The following CSMD1 variants were observed in gnomAD, a reference collection of about 807,000 sequenced individuals.
CSMD1 encodes the protein CUB and sushi domain-containing protein 1.
Under a neutral mutation model 417.5 loss-of-function variants are expected in CSMD1, and 213 were observed. The observed-to-expected ratio is 0.51, with a 90% CI of 0.46 to 0.57. The LOEUF is 0.57. Ranked by LOEUF, CSMD1 falls within the 20% of genes least tolerant of loss-of-function variation. The pLI is 0.00. For missense variants in CSMD1, 6,923 were observed against 4,529.7 expected, an observed-to-expected ratio of 1.53 and a Z score of -15.17; for synonymous variants, 2,862 against 1,736.8, an observed-to-expected ratio of 1.65 and a Z score of -16.11.
At chr8:3,394,054 A>ATATATATATATATATG (rs1563342476) in intron 17 of CSMD1, among the ~76,000 whole-genome samples, 1 of 127,618 alleles carries the variant, frequency 7.8e-6, no homozygotes, top group Non-Finnish European at 1.7e-5. Context: ...ATATATATAT[A>ATATATATATATATATG]TAGAAAAAAA....
At chr8:3,403,027 T>C (rs1320745876) in intron 15 of CSMD1, among the ~76,000 whole-genome samples, 1 of 152,168 alleles carries the variant, frequency 6.6e-6, no homozygotes, top group Non-Finnish European at 1.5e-5. Flanking sequence ...TTCTCTTTAA[T>C]GTAAAATTAT....
At chr8:3,076,931 G>A (rs912525095) in intron 49 of CSMD1, among the ~76,000 whole-genome samples, 2 of 152,106 alleles carry the variant, frequency 1.3e-5, no homozygotes, top group East Asian at 1.9e-4. Flanking sequence ...CTGGGCTTCT[G>A]GCATACTCAT....
chr8:4,953,885 G>C (rs1282271630), intron 1 of CSMD1, among the ~76,000 whole-genome samples: 2 of 152,096 alleles, frequency 1.3e-5, no homozygotes, highest in Non-Finnish European at 2.9e-5. Context: ...TGGGCTTAGA[G>C]ATTGGACTAC....
At chr8:3,258,968 G>A (rs1462478637) in intron 26 of CSMD1, among the ~76,000 whole-genome samples, 1 of 152,186 alleles carries the variant, frequency 6.6e-6, no homozygotes, top group Non-Finnish European at 1.5e-5. Flanking sequence ...AAAGGGAGAG[G>A]ATCAGGAAAA....
intron 10 of CSMD1, among the ~76,000 whole-genome samples, chr8:3,517,623 T>C (rs995226911): frequency 1.3e-5 from 2 of 152,178 alleles, no homozygotes; most frequent in African/African-American, 4.8e-5. Flanking sequence ...TACTATACGA[T>C]TTTTTTGGGG....
At chr8:4,834,873 CGG>C (rs1800370241) in intron 1 of CSMD1, among the ~76,000 whole-genome samples, 4 of 134,216 alleles carry the variant, frequency 3.0e-5, no homozygotes, top group Non-Finnish European at 6.2e-5. Context: ...AGGAGAAAGG[CGG>C]AAACCCGGGA....
At chr8:4,074,316 T>C (rs929816723) in intron 3 of CSMD1, among the ~76,000 whole-genome samples, 8 of 152,166 alleles carry the variant, frequency 5.3e-5, no homozygotes, top group African/African-American at 1.4e-4. Flanking sequence ...ATAAAAACTA[T>C]AGATTAACAG....
At chr8:4,077,878 A>G (rs1238347440) in intron 3 of CSMD1, among the ~76,000 whole-genome samples, 1 of 152,108 alleles carries the variant, frequency 6.6e-6, no homozygotes, top group Non-Finnish European at 1.5e-5. Flanking sequence ...CTGACTTGTA[A>G]TTGATGCCCA....
At chr8:4,764,064 C>A (rs572975643) in intron 1 of CSMD1, among the ~76,000 whole-genome samples, 1 of 152,192 alleles carries the variant, frequency 6.6e-6, no homozygotes, top group Non-Finnish European at 1.5e-5. Flanking sequence ...CAACAGACAG[C>A]ACTCTGTCTG....
At chr8:3,157,804 AT>A in intron 39 of CSMD1, 92 bp downstream of exon 39, 1 of 1,036,910 alleles carries the variant, frequency 9.6e-7, no homozygotes. Flanking sequence ...AAATTAAGAA[AT>A]TTAGAAGTGC....
At chr8:3,424,240 C>G (rs1171573901) in intron 12 of CSMD1, among the ~76,000 whole-genome samples, 2 of 152,074 alleles carry the variant, frequency 1.3e-5, no homozygotes, top group Non-Finnish European at 2.9e-5. Flanking sequence ...TGAAATACAC[C>G]ATGATTCAAT....
intron 5 of CSMD1, among the ~76,000 whole-genome samples, chr8:3,867,393 T>A (rs1805177445): frequency 6.6e-6 from 1 of 152,054 alleles, no homozygotes; most frequent in African/African-American, 2.4e-5. Context: ...AAATTTCCAT[T>A]CTTTTCTTTT....
chr8:4,533,002 C>A (rs912061401), intron 2 of CSMD1, among the ~76,000 whole-genome samples: 1 of 152,170 alleles, frequency 6.6e-6, no homozygotes, highest in Admixed American at 6.5e-5. Context: ...AAATCCTGCA[C>A]CCCTACTCAC....
At chr8:3,652,159 C>G (rs536061341) in intron 7 of CSMD1, among the ~76,000 whole-genome samples, 1 of 151,414 alleles carries the variant, frequency 6.6e-6, no homozygotes, top group African/African-American at 2.4e-5. Flanking sequence ...TTACCACCAT[C>G]AGAGCGCTTA....
chr8:3,814,378 T>C (rs1371942640), intron 5 of CSMD1, among the ~76,000 whole-genome samples: 1 of 151,614 alleles, frequency 6.6e-6, no homozygotes, highest in African/African-American at 2.4e-5. Flanking sequence ...TTACCTCTTA[T>C]ACATTATACT....
At chr8:4,988,885 C>G (rs2117468824) in intron 1 of CSMD1, among the ~76,000 whole-genome samples, 1 of 152,202 alleles carries the variant, frequency 6.6e-6, no homozygotes, top group African/African-American at 2.4e-5. Flanking sequence ...TCAATTTCAG[C>G]TGGCTCAATT....
At chr8:3,487,697 G>A (rs1488306210) in intron 11 of CSMD1, among the ~76,000 whole-genome samples, 1 of 152,100 alleles carries the variant, frequency 6.6e-6, no homozygotes, top group African/African-American at 2.4e-5. Context: ...CAAACACATT[G>A]TCAAGAAGGC....
chr8:3,094,823 G>C (rs1170976796), intron 47 of CSMD1, among the ~76,000 whole-genome samples: 1 of 143,134 alleles, frequency 7.0e-6, no homozygotes, highest in Non-Finnish European at 1.5e-5. Flanking sequence ...AAAAAAAAGA[G>C]AGAGAGAAAG....
intron 39 of CSMD1, among the ~76,000 whole-genome samples, chr8:3,157,406 G>A (rs17079497): frequency 0.29 from 43,559 of 152,022 alleles, 8,618 homozygotes; most frequent in African/African-American, 0.57. Flanking sequence ...TAAAGAAGCC[G>A]GCTGATTGTG....
Sources: allele counts gnomAD v4.1 joint callset (sites outside exome capture counted in the v4.1 genomes callset), GRCh38; gene constraint gnomAD v4.1.1; transcripts MANE v1.5; gene names NCBI Gene and HGNC (gene_info 2026-07-23, HGNC 2026-07-21).